The following DPP10 variants were observed in gnomAD, a reference collection of about 807,000 sequenced individuals.
DPP10 encodes dipeptidyl peptidase like 10.
Under a neutral mutation model 120.9 loss-of-function variants are expected in DPP10, and 33 were observed. That is an observed-to-expected ratio of 0.27 (90% CI 0.21 to 0.37). The LOEUF is 0.37. DPP10 is among the 10% of genes least tolerant of loss of function. The probability of loss-of-function intolerance (pLI) is 1.00; values close to 1 mark genes in which losing one functional copy is unlikely to be tolerated. For synonymous variants in DPP10, 337 were observed against 326.1 expected, an observed-to-expected ratio of 1.03 and a Z score of -0.36; for missense variants, 816 against 942.8, an observed-to-expected ratio of 0.87 and a Z score of 1.76.
intron 1 of DPP10, among the ~76,000 whole-genome samples, chr2:114,635,741 G>A (rs528129499): frequency 1.3e-5 from 2 of 151,964 alleles, no homozygotes; most frequent in East Asian, 3.9e-4. Context: ...TTTTATTGAT[G>A]TGAGTTATAT....
At chr2:115,481,128 T>C (rs1187333523) in intron 3 of DPP10, among the ~76,000 whole-genome samples, 1 of 152,146 alleles carries the variant, frequency 6.6e-6, no homozygotes, top group Non-Finnish European at 1.5e-5. Context: ...TGAAAATATA[T>C]GTTCAAAAGG....
chr2:114,452,505 C>A (rs1225072827), intron 1 of DPP10, among the ~76,000 whole-genome samples: 1 of 151,996 alleles, frequency 6.6e-6, no homozygotes, highest in African/African-American at 2.4e-5. Flanking sequence ...ATTTTGCAGA[C>A]AAGAAAGCCA....
At chr2:115,815,412 A>T (rs1687117200) in intron 20 of DPP10, among the ~76,000 whole-genome samples, 1 of 152,192 alleles carries the variant, frequency 6.6e-6, no homozygotes, top group African/African-American at 2.4e-5. Context: ...ATATTGTTCA[A>T]ATGTAGATGT....
intron 5 of DPP10, among the ~76,000 whole-genome samples, chr2:115,598,925 G>GTC (rs2083152794): frequency 6.6e-6 from 1 of 150,600 alleles, no homozygotes; most frequent in Non-Finnish European, 1.5e-5. Context: ...TTTGAAACAC[G>GTC]TCTCACTCAT....
At chr2:114,826,432 C>A (rs895290685) in intron 1 of DPP10, among the ~76,000 whole-genome samples, 4 of 152,122 alleles carry the variant, frequency 2.6e-5, no homozygotes, top group Non-Finnish European at 5.9e-5. Flanking sequence ...CACCTCTAAT[C>A]CAAAAGATAG....
At chr2:115,142,931 T>C (rs1193047855) in intron 1 of DPP10, among the ~76,000 whole-genome samples, 1 of 152,150 alleles carries the variant, frequency 6.6e-6, no homozygotes, top group African/African-American at 2.4e-5. Context: ...TAGATTTGTC[T>C]AGTTGTTTGA....
intron 5 of DPP10, among the ~76,000 whole-genome samples, chr2:115,641,395 A>G (rs979721200): frequency 3.3e-5 from 5 of 152,134 alleles, no homozygotes; most frequent in Non-Finnish European, 5.9e-5. Flanking sequence ...TTTCAGCATC[A>G]CAGACTTGCT....
At chr2:115,184,905 AT>A in intron 1 of DPP10, among the ~76,000 whole-genome samples, 1 of 152,362 alleles carries the variant, frequency 6.6e-6, no homozygotes, top group East Asian at 1.9e-4. Context: ...GCATTTAGTA[AT>A]GCATAATGTG....
At chr2:114,463,353 A>C (rs921745930) in intron 1 of DPP10, 2 of 152,132 alleles carry the variant, frequency 1.3e-5, no homozygotes, top group Admixed American at 1.3e-4. Flanking sequence ...AGAAAATTGG[A>C]TCTAACTCTT....
intron 3 of DPP10, among the ~76,000 whole-genome samples, chr2:115,451,769 T>G (rs2073126396): frequency 6.6e-6 from 1 of 152,004 alleles, no homozygotes; most frequent in Non-Finnish European, 1.5e-5. Context: ...TTATAAAAAT[T>G]AACGCATAAA....
chr2:115,419,944 T>G (rs2069786876), intron 3 of DPP10, among the ~76,000 whole-genome samples: 1 of 152,204 alleles, frequency 6.6e-6, no homozygotes, highest in Non-Finnish European at 1.5e-5. Context: ...AACTTTCCCC[T>G]TGCAATTGTA....
At chr2:114,956,917 C>T (rs1377666039) in intron 1 of DPP10, among the ~76,000 whole-genome samples, 2 of 148,610 alleles carry the variant, frequency 1.3e-5, no homozygotes, top group Non-Finnish European at 3.0e-5. Context: ...TTTTCTCACA[C>T]CATATAAAAA....
At chr2:115,761,096 C>CAAAAAAA (rs34165193) in intron 11 of DPP10, among the ~76,000 whole-genome samples, 2 of 90,270 alleles carry the variant, frequency 2.2e-5, no homozygotes, top group Non-Finnish European at 4.5e-5. Context: ...GACTTTGTCT[C>CAAAAAAA]AAAAAAAAAA....
At chr2:115,417,875 G>A (rs574213161) in intron 3 of DPP10, among the ~76,000 whole-genome samples, 6 of 152,230 alleles carry the variant, frequency 3.9e-5, no homozygotes, top group South Asian at 2.1e-4. Context: ...ACTTTTCTCC[G>A]TCTGATGTAT....
At chr2:114,943,088 C>G (rs1283342766) in intron 1 of DPP10, among the ~76,000 whole-genome samples, 1 of 152,020 alleles carries the variant, frequency 6.6e-6, no homozygotes, top group Non-Finnish European at 1.5e-5. Context: ...TGTGATGTTC[C>G]CCTCCCTGTG....
intron 5 of DPP10, among the ~76,000 whole-genome samples, chr2:115,570,664 G>T (rs1318813601): frequency 6.6e-6 from 1 of 152,120 alleles, no homozygotes; most frequent in Non-Finnish European, 1.5e-5. Flanking sequence ...ACAGGAAAGT[G>T]CCAATTAAAG....
At chr2:115,617,994 C>T (rs776237907) in intron 5 of DPP10, among the ~76,000 whole-genome samples, 1 of 152,176 alleles carries the variant, frequency 6.6e-6, no homozygotes, top group Non-Finnish European at 1.5e-5. Context: ...CATGAAATTA[C>T]AAGACACCTA....
intron 1 of DPP10, among the ~76,000 whole-genome samples, chr2:114,969,572 AC>A (rs1268310799): frequency 3.3e-5 from 5 of 152,286 alleles, no homozygotes; most frequent in East Asian, 3.9e-4. Context: ...AATCTGCTTG[AC>A]TTCTTGAAAT....
At chr2:114,977,565 C>T (rs1699830019) in intron 1 of DPP10, among the ~76,000 whole-genome samples, 1 of 152,138 alleles carries the variant, frequency 6.6e-6, no homozygotes, top group Non-Finnish European at 1.5e-5. Context: ...CTAGAGCCAG[C>T]TCTCCTAGAC....
Sources: allele counts gnomAD v4.1 joint callset (sites outside exome capture counted in the v4.1 genomes callset), GRCh38; gene constraint gnomAD v4.1.1; transcripts MANE v1.5; gene names NCBI Gene and HGNC (gene_info 2026-07-23, HGNC 2026-07-21).